The following BTN3A1 variants were observed in gnomAD, a reference collection of about 807,000 sequenced individuals.
BTN3A1 encodes the protein dJ45P21.3 (butyrophilin, subfamily 3, member A1).
In BTN3A1, 24 loss-of-function variants were observed where a neutral mutation model predicts 43.0. The observed-to-expected ratio is 0.56, with a 90% CI of 0.40 to 0.78. The LOEUF (loss-of-function observed/expected upper bound fraction) is 0.78. Among genes scored for constraint, BTN3A1 ranks in the 30% least tolerant of loss-of-function variants. The pLI, the probability that BTN3A1 is intolerant of heterozygous loss-of-function variation, is 0.00. For missense variants in BTN3A1, 533 were observed against 626.2 expected (o/e 0.85, Z 1.59); for synonymous variants, 181 against 234.7 (o/e 0.77, Z 2.09).
In BTN3A1 at chr6:26,406,182, A is replaced by G; in HGVS notation, c.359A>G (p.Asp120Gly). ...ALRIHNVTAS[D>G]SGKYLCYFQD... ...CGAATACACAACGTCACAGCCTCTG[A>G]CAGTGGAAAGTACTTGTGTTATTTC... Residue 120 changes from aspartate (D) to glycine (G), a missense_variant, in exon 3 of 10, where the codon GAC becomes GGC. Physicochemically the swap from Asp to Gly is moderately conservative, Grantham distance 94. Transcript: ENST00000289361. 6.8e-7 allele frequency: 1 copy of G among 1,479,598 alleles called. No individual in the cohort carries two copies. 91.7% of individuals were successfully genotyped at this position (1,479,598 alleles called of 1,614,324 possible).
intron 9 of BTN3A1, chr6:26,412,530 A>T (rs1762254359): frequency 1.3e-5 from 20 of 1,549,998 alleles, no homozygotes; most frequent in Non-Finnish European, 1.7e-5. Context: ...GAGAAAGCTG[A>T]AGGGTGGAGA....
Position 26,411,111 on chromosome 6 carries a change from G to A in BTN3A1, c.967G>A (p.Gly323Arg). The A allele has an allele frequency of 1.2e-6, 2 of 1,606,844 alleles. No individual in the cohort carries two copies. Among genetic ancestry groups the A allele is most frequent in the South Asian group, 1.1e-5 (1 of 89,970 alleles). Residue 323 changes from glycine to arginine, a missense_variant and splice_region_variant, in exon 8 of 10, where the codon GGA (glycine) becomes AGA (arginine). Gly to Arg is a moderately radical substitution (Grantham distance 125, BLOSUM62 -2). Transcript: ENST00000289361. ...TCTCTATCTTTTTTTCATTGTAGGGGGAGAGAGACATTCAGCCTATAATGG... is the reference window on the plus strand; with the variant it reads ...TCTCTATCTTTTTTTCATTGTAGGGAGAGAGAGACATTCAGCCTATAATGG... ...RWRSIQYASR[G>R]ERHSAYNEWK...
Position 26,414,189 on chromosome 6 carries a change from A to T in BTN3A1, c.*497A>T, listed in dbSNP as rs6456720. The T allele has an allele frequency of 0.15, 27,165 of 177,628 alleles. 6,140 individuals are homozygous for T. Among genetic ancestry groups the T allele is most frequent in the African/African-American group, 0.53 (22,143 of 41,702 alleles). The allele number at this position is 177,628 out of a possible 1,614,324, so 11.0% of individuals were successfully genotyped here. A position where few individuals can be genotyped will look rare whatever the true frequency, so the allele number is the denominator to read the frequency against. On this transcript the variant is annotated 3_prime_UTR_variant, in exon 10 of 10. Coordinates refer to ENST00000289361, the MANE Select transcript of BTN3A1 (RefSeq NM_007048.6). ...CAAGTATGGAAGTTGAGGCAGGGCA[A>T]CATTAAGCAACTTACATAACTCATG...
chr6:26,413,782 G>A lies in BTN3A1; in HGVS notation c.*90G>A, dbSNP rs1373988681. ...CCCGGGCTTAGCTAACGAAAGTGGG[G>A]AGCCTCAGGCTGAAGTAACTTTTCT... On this transcript the variant is annotated 3_prime_UTR_variant, in exon 10 of 10. Transcript: ENST00000289361. 1.1e-5 allele frequency: 17 copies of A among 1,601,580 alleles called. No individual in the cohort carries two copies. The South Asian group carries it at 1.9e-4, about 18-fold the overall frequency.
chr6:26,407,348 A>G (rs772656330), intron 3 of BTN3A1, among the ~76,000 whole-genome samples: 6 of 152,170 alleles, frequency 3.9e-5, no homozygotes, highest in Non-Finnish European at 5.9e-5. Context: ...AGTTACCCTC[A>G]GGCTGGCTGC....
At chr6:26,405,035 T>C (rs1420701037) in intron 1 of BTN3A1, among the ~76,000 whole-genome samples, 1 of 152,212 alleles carries the variant, frequency 6.6e-6, no homozygotes, top group Non-Finnish European at 1.5e-5. Flanking sequence ...TTGGATTAAA[T>C]GTGGTGGGTT....
At chr6:26,410,173 C>A (rs768059184) in intron 7 of BTN3A1, 141 bp downstream of exon 7, 45 of 1,034,418 alleles carry the variant, frequency 4.4e-5, no homozygotes, top group Non-Finnish European at 5.4e-5. Context: ...TGTGCCAATT[C>A]CTAGTCATTG....
intron 1 of BTN3A1, 97 bp downstream of exon 1, chr6:26,402,509 TCA>T (rs756244933): frequency 2.0e-5 from 3 of 152,282 alleles, no homozygotes; most frequent in Admixed American, 6.5e-5. Flanking sequence ...GGGAGAGTAC[TCA>T]CCCAGAGAAA....
In BTN3A1 at chr6:26,405,638, G is replaced by A; in HGVS notation, c.75G>A (p.Met25Ile). The change falls in exon 2 of 10, where the codon ATG (methionine) becomes ATA (isoleucine). Residue 25 changes from methionine (M) to isoleucine (I), a missense_variant. Coordinates refer to ENST00000289361, the MANE Select transcript of BTN3A1 (RefSeq NM_007048.6). ...RVCLLLLQLL[M>I]PHSAQFSVLG... ...GCCTCCTTTTGCTTCAGCTGCTCATGCCTCACTCAGGTAGGGAACAATTCC... is the reference window on the plus strand; with the variant it reads ...GCCTCCTTTTGCTTCAGCTGCTCATACCTCACTCAGGTAGGGAACAATTCC... The A allele has an allele frequency of 6.2e-7, 1 of 1,614,148 alleles. No homozygotes were observed. The highest frequency in any genetic ancestry group is 8.5e-7 in the Non-Finnish European group (1 of 1,180,018).
chr6:26,414,722 C>CT lies in BTN3A1; in HGVS notation c.*1031dup, dbSNP rs1762331591. The CT allele has an allele frequency of 6.6e-6, 1 of 150,522 alleles. No individual in the cohort carries two copies. Among genetic ancestry groups the CT allele is most frequent in the Non-Finnish European group, 1.5e-5 (1 of 67,792 alleles). The allele number at this position is 150,522 out of a possible 1,614,324, so 9.3% of individuals were successfully genotyped here. A position where few individuals can be genotyped will look rare whatever the true frequency, so the allele number is the denominator to read the frequency against. On this transcript the variant is annotated 3_prime_UTR_variant, in exon 10 of 10. Transcript: ENST00000289361. Reference sequence around the variant, plus strand: ...TTTTTTTTTAAGATGGAGTCTTACTCTGTTGCTAGGCTGGAGTGCAGTGGT... The same window carrying CT: ...TTTTTTTTTAAGATGGAGTCTTACTCTTGTTGCTAGGCTGGAGTGCAGTGGT...
In BTN3A1 at chr6:26,407,970, C is replaced by T; in HGVS notation, c.715+18C>T. On this transcript the variant is annotated intron_variant, in intron 4 of 9. Transcript: ENST00000289361. Reference sequence around the variant, plus strand: ...CATCGCAGGTCAGTACCTGCTTGGCCTCAGGTTTTCTGAGCTGGGCTGTGG... The same window carrying T: ...CATCGCAGGTCAGTACCTGCTTGGCTTCAGGTTTTCTGAGCTGGGCTGTGG... 1 of 1,612,050 alleles carries T rather than the reference C, an allele frequency of 6.2e-7. No individual in the cohort carries two copies. Among genetic ancestry groups the T allele is most frequent in the Non-Finnish European group, 8.5e-7 (1 of 1,178,392 alleles).
At position 26,405,907 on chromosome 6, in the gene BTN3A1, A is replaced by G; in HGVS notation, c.86-2A>G. Reference sequence around the variant, plus strand: ...GACAGATCCTCCCCCTTGTGCCTACAGCTCAGTTTTCTGTGCTTGGACCCT... The same window carrying G: ...GACAGATCCTCCCCCTTGTGCCTACGGCTCAGTTTTCTGTGCTTGGACCCT... On this transcript the variant is annotated splice_acceptor_variant, in intron 2 of 9. Coordinates refer to ENST00000289361, the MANE Select transcript of BTN3A1 (RefSeq NM_007048.6). LOFTEE classifies it high-confidence loss of function. The G allele has an allele frequency of 6.2e-7, 1 of 1,613,754 alleles. No homozygotes were observed. The highest frequency in any genetic ancestry group is 8.5e-7 in the Non-Finnish European group (1 of 1,179,704).
chr6:26,413,233 T>G lies in BTN3A1; in HGVS notation c.1083T>G (p.Ser361Arg). 6.2e-7 allele frequency: 1 copy of G among 1,613,838 alleles called. No homozygotes were observed. Among genetic ancestry groups the G allele is most frequent in the Non-Finnish European group, 8.5e-7 (1 of 1,179,940 alleles). The change falls in exon 10 of 10, where the codon AGT becomes AGG. Residue 361 changes from serine to arginine, a missense_variant. Physicochemically the swap from Ser to Arg is moderately radical, Grantham distance 110 (BLOSUM62 -1). Transcript: ENST00000289361. ...TCCTTGTTTCTGAGGACCAGAGGAG[T>G]GTGCAGCGTGCCAAGGAGCCCCAGG... ...PILLVSEDQR[S>R]VQRAKEPQDL... is the part of the protein sequence containing the mutation.
chr6:26,412,726 G>A (rs1449987472), intron 9 of BTN3A1: 2 of 1,551,302 alleles, frequency 1.3e-6, no homozygotes, highest in African/African-American at 1.4e-5. Context: ...CTTCAGATGA[G>A]GCTCCACTTT....
At chr6:26,405,217 G>A (rs1290569193) in intron 1 of BTN3A1, 155 bp from the exon 2 acceptor site, 4 of 329,216 alleles carry the variant, frequency 1.2e-5, no homozygotes, top group Admixed American at 4.2e-5. Context: ...GCCCAGTGAA[G>A]AGTGTCCTGC....
At chr6:26,409,245 C>T (rs1023638559) in intron 4 of BTN3A1, among the ~76,000 whole-genome samples, 2 of 152,142 alleles carry the variant, frequency 1.3e-5, no homozygotes, top group Non-Finnish European at 2.9e-5. Context: ...ACATGTGTTA[C>T]CTATTAAAAA....
chr6:26,405,381 A>T lies in BTN3A1; in HGVS notation c.-183A>T. ...AGACATGTTTTTACAGGTGATTTTC[A>T]ATGTTGGGACTCAAAGGTGAAGACA... On this transcript the variant is annotated 5_prime_UTR_variant, in exon 2 of 10. Coordinates refer to ENST00000289361, the MANE Select transcript of BTN3A1 (RefSeq NM_007048.6). The T allele has an allele frequency of 1.6e-6, 1 of 614,564 alleles. No individual in the cohort carries two copies. Among genetic ancestry groups the T allele is most frequent in the South Asian group, 2.0e-5 (1 of 50,334 alleles). 38.1% of individuals were successfully genotyped at this position (614,564 alleles called of 1,614,324 possible). A position where few individuals can be genotyped will look rare whatever the true frequency, so the allele number is the denominator to read the frequency against.
rs12214924 is a variant in BTN3A1 at position 26,411,667 on chromosome 6, T to A, written c.1018+86T>A. 42 of 1,501,050 alleles carry A rather than the reference T, an allele frequency of 2.8e-5. 1 individual carries two copies. In the South Asian group the frequency reaches 4.5e-4, roughly 16 times the overall value. The allele number at this position is 1,501,050 out of a possible 1,614,324, so 93.0% of individuals were successfully genotyped here. ...TTTTTACTTCTCCAACTGTTGTGATTTGGGGAAGAAAAGCTCCCATGACTA... is the reference window on the plus strand; with the variant it reads ...TTTTTACTTCTCCAACTGTTGTGATATGGGGAAGAAAAGCTCCCATGACTA... On this transcript the variant is annotated intron_variant, in intron 9 of 9. Transcript: ENST00000289361.
At chr6:26,411,000 TAAA>T (rs1170183887) in intron 7 of BTN3A1, 106 bp from the exon 8 acceptor site, 18,302 of 353,358 alleles carry the variant, frequency 0.052, 1 homozygote, top group East Asian at 0.059. Flanking sequence ...ATACAGGTGG[TAAA>T]AAAAAAAAAA....
Sources: allele counts gnomAD v4.1 joint callset (sites outside exome capture counted in the v4.1 genomes callset), GRCh38; gene constraint gnomAD v4.1.1; transcripts MANE v1.5; gene names NCBI Gene and HGNC (gene_info 2026-07-23, HGNC 2026-07-21).